RBFOX1: variants seen among roughly 807,000 people sequenced by gnomAD.
RBFOX1 encodes RNA binding fox-1 homolog 1, also known as RNA binding protein fox-1 homolog 1.
In RBFOX1, 8 loss-of-function variants were observed where a neutral mutation model predicts 57.7. That is an observed-to-expected ratio of 0.14 (90% CI 0.08 to 0.25). RBFOX1 has a LOEUF of 0.25. Among genes scored for constraint, RBFOX1 ranks in the 10% least tolerant of loss-of-function variants. RBFOX1 has a pLI of 1.00. For synonymous variants in RBFOX1, 326 were observed against 222.4 expected, an observed-to-expected ratio of 1.47 and a Z score of -4.15; for missense variants, 611 against 548.5, an observed-to-expected ratio of 1.11 and a Z score of -1.14.
chr16:7,453,128 CAA>C (rs35613776), intron 4 of RBFOX1, among the ~76,000 whole-genome samples: 62 of 113,218 alleles, frequency 5.5e-4, no homozygotes, highest in African/African-American at 1.6e-3. Context: ...GGCTTTGTCT[CAA>C]AAAAAAAAAA....
intron 4 of RBFOX1, among the ~76,000 whole-genome samples, chr16:7,209,133 A>T (rs1449410723): frequency 1.5e-5 from 2 of 136,952 alleles, no homozygotes; most frequent in East Asian, 4.3e-4. Context: ...TGTCTCTACC[A>T]AAAATACAAA....
rs541974804 is a variant in RBFOX1 at position 7,035,596 on chromosome 16, T to TTTA, written c.-15-16446_-15-16444dup. Among the ~76,000 whole-genome samples the TTTA allele has an allele frequency of 7.2e-3, 1,080 of 149,036 alleles. 13 individuals carry two copies. Among genetic ancestry groups the TTTA allele is most frequent in the African/African-American group, 0.024 (977 of 41,250 alleles). Reference sequence around the variant, plus strand: ...TGAAGGTAAAGCTCTGCGTTGTTGGTTTATTATTATTATTATTTTAAATCT... The same window carrying TTTA: ...TGAAGGTAAAGCTCTGCGTTGTTGGTTTATTATTATTATTATTATTTTAAATCT... On this transcript the variant is annotated intron_variant, in intron 3 of 15. Coordinates refer to ENST00000550418, the MANE Select transcript of RBFOX1 (RefSeq NM_018723.4).
At chr16:5,740,478 A>G (rs67191483) in intron 3 of RBFOX1, among the ~76,000 whole-genome samples, 42,037 of 152,126 alleles carry the variant, frequency 0.28, 6,309 homozygotes, top group East Asian at 0.57. Flanking sequence ...AACCTTGTAA[A>G]GTTTTCTGTA....
At chr16:6,201,673 G>T (rs776520801) in intron 1 of RBFOX1, among the ~76,000 whole-genome samples, 1 of 152,160 alleles carries the variant, frequency 6.6e-6, no homozygotes, top group Non-Finnish European at 1.5e-5. Context: ...AGTGGAATTA[G>T]AATGTTCCTA....
intron 4 of RBFOX1, among the ~76,000 whole-genome samples, chr16:7,250,165 C>G (rs1042512847): frequency 1.3e-5 from 2 of 151,954 alleles, no homozygotes; most frequent in Non-Finnish European, 1.5e-5. Context: ...AGAGAAGTAT[C>G]TTTATGTTTT....
At chr16:7,079,337 A>G (rs765505826) in intron 4 of RBFOX1, among the ~76,000 whole-genome samples, 1 of 152,138 alleles carries the variant, frequency 6.6e-6, no homozygotes, top group Non-Finnish European at 1.5e-5. Flanking sequence ...GCATGTTCCT[A>G]AAAGAAGGGG....
At chr16:5,741,479 C>G (rs889164107) in intron 3 of RBFOX1, among the ~76,000 whole-genome samples, 1 of 152,174 alleles carries the variant, frequency 6.6e-6, no homozygotes, top group Non-Finnish European at 1.5e-5. Flanking sequence ...GAAAGACTTT[C>G]AGGGGAGAAA....
At chr16:7,055,284 A>G (rs1395476936) in intron 4 of RBFOX1, among the ~76,000 whole-genome samples, 3 of 152,218 alleles carry the variant, frequency 2.0e-5, no homozygotes, top group Non-Finnish European at 4.4e-5. Flanking sequence ...TTGAGATCAT[A>G]TCAGTATTAT....
At chr16:5,619,842 C>G (rs1263516352) in intron 3 of RBFOX1, among the ~76,000 whole-genome samples, 2 of 152,138 alleles carry the variant, frequency 1.3e-5, no homozygotes, top group Non-Finnish European at 2.9e-5. Flanking sequence ...GGCAGGTCCC[C>G]TGGGGACATG....
rs567227444 is a variant in RBFOX1 at position 6,079,936 on chromosome 16, A to T, written c.-127+59944A>T. On this transcript the variant is annotated intron_variant, in intron 1 of 15. Transcript: ENST00000550418. ...CATTGAGAATTAATTTAGAATGCTCATGTGTCTTGGATTGACTTTCAAAAC... is the reference window on the plus strand; with the variant it reads ...CATTGAGAATTAATTTAGAATGCTCTTGTGTCTTGGATTGACTTTCAAAAC... Among the ~76,000 whole-genome samples, 3 of 152,372 alleles carry T rather than the reference A, an allele frequency of 2.0e-5. No individual in the cohort carries two copies. In the East Asian group the frequency reaches 5.8e-4, roughly 29 times the overall value.
At chr16:7,464,183 C>G (rs1280386257) in intron 4 of RBFOX1, among the ~76,000 whole-genome samples, 2 of 152,178 alleles carry the variant, frequency 1.3e-5, no homozygotes, top group Admixed American at 6.6e-5. Flanking sequence ...TTACAGACCA[C>G]TCCAAGACAT....
chr16:7,427,686 C>T (rs1187110735), intron 4 of RBFOX1, among the ~76,000 whole-genome samples: 1 of 149,862 alleles, frequency 6.7e-6, no homozygotes, highest in Non-Finnish European at 1.5e-5. Context: ...TCTCTGTTTC[C>T]CAGGCTAGAG....
intron 3 of RBFOX1, among the ~76,000 whole-genome samples, chr16:6,934,163 T>A (rs2077000615): frequency 6.6e-6 from 1 of 152,150 alleles, no homozygotes; most frequent in East Asian, 1.9e-4. Flanking sequence ...TACAGAGTTT[T>A]CCTAACAGTA....
intron 1 of RBFOX1, among the ~76,000 whole-genome samples, chr16:5,425,953 C>G (rs771178997): frequency 2.0e-5 from 3 of 152,150 alleles, no homozygotes; most frequent in Non-Finnish European, 4.4e-5. Context: ...GCGGCTTTAG[C>G]TTCCTTTCAC....
In RBFOX1 at chr16:6,660,550, G is replaced by T. The variant is rs900924673; in HGVS notation, c.-16+5900G>T. On this transcript the variant is annotated intron_variant, in intron 3 of 15. Transcript: ENST00000550418. ...AGTCTGTACATAGCCTTTGGAGCTT[G>T]AAATGTCTGGGTTTCAATCCCAGCC... Among the ~76,000 whole-genome samples, 3 of 152,160 alleles carry T rather than the reference G, an allele frequency of 2.0e-5. 1 individual carries two copies. Among genetic ancestry groups the T allele is most frequent in the Non-Finnish European group, 1.5e-5 (1 of 68,038 alleles).
At chr16:6,285,048 G>T (rs1425994225) in intron 1 of RBFOX1, among the ~76,000 whole-genome samples, 2 of 152,128 alleles carry the variant, frequency 1.3e-5, no homozygotes, top group East Asian at 3.9e-4. Flanking sequence ...GAGAGGCAAG[G>T]AAATCGCAGG....
chr16:5,861,499 C>A (rs1295986608), intron 3 of RBFOX1, among the ~76,000 whole-genome samples: 1 of 152,170 alleles, frequency 6.6e-6, no homozygotes, highest in East Asian at 1.9e-4. Context: ...TGGAAGAGAT[C>A]TGTTATTCAA....
intron 6 of RBFOX1, among the ~76,000 whole-genome samples, chr16:7,581,566 G>C (rs1240336236): frequency 6.6e-6 from 1 of 152,142 alleles, no homozygotes; most frequent in Non-Finnish European, 1.5e-5. Flanking sequence ...ACAATGCTAA[G>C]TCATAGAGGT....
chr16:7,421,553 G>A (rs1177298482), intron 4 of RBFOX1, among the ~76,000 whole-genome samples: 1 of 152,174 alleles, frequency 6.6e-6, no homozygotes, highest in Non-Finnish European at 1.5e-5. Context: ...TGATATTACT[G>A]CTCTGAGCGT....
Sources: allele counts gnomAD v4.1 joint callset (sites outside exome capture counted in the v4.1 genomes callset), GRCh38; gene constraint gnomAD v4.1.1; transcripts MANE v1.5; gene names NCBI Gene and HGNC (gene_info 2026-07-23, HGNC 2026-07-21).